Variants in GCFC2 observed in about 807,000 individuals in gnomAD.
GCFC2 encodes GC-rich sequence DNA-binding factor 2.
A neutral mutation model predicts 99.4 loss-of-function variants in GCFC2; 102 were observed. That is an observed-to-expected ratio of 1.03 (90% CI 0.87 to 1.21). GCFC2 has a LOEUF of 1.21. GCFC2 is among the 50% of genes most tolerant of loss of function. The pLI, the probability that GCFC2 is intolerant of heterozygous loss-of-function variation, is 0.00. For synonymous variants in GCFC2, 338 were observed against 316.8 expected, an observed-to-expected ratio of 1.07 and a Z score of -0.71; for missense variants, 973 against 920.9, an observed-to-expected ratio of 1.06 and a Z score of -0.73.
intron 12 of GCFC2, among the ~76,000 whole-genome samples, chr2:75,679,319 G>A (rs1360103749): frequency 6.6e-6 from 1 of 151,964 alleles, no homozygotes; most frequent in Non-Finnish European, 1.5e-5. Flanking sequence ...AACCACCTCT[G>A]TCATTCTACT....
At chr2:75,671,049 C>G (rs1033959948) in intron 14 of GCFC2, among the ~76,000 whole-genome samples, 2 of 152,150 alleles carry the variant, frequency 1.3e-5, no homozygotes, top group African/African-American at 4.8e-5. Flanking sequence ...ATTGTCAAAT[C>G]CAATAAACAG....
Position 75,689,140 on chromosome 2 carries a change from C to T in GCFC2, c.1425G>A (p.Gln475=). 1 of 1,600,084 alleles carries T rather than the reference C, an allele frequency of 6.2e-7. No homozygotes were observed. The highest frequency in any genetic ancestry group is 8.6e-7 in the Non-Finnish European group (1 of 1,168,714). ...CNIQNILLKF[Q]QWREKFPDSY... ...AGTCAGGAAACTTTTCTCGCCATTG[C>T]TGAAATTTCAACAAAATATTCTGGA... is the stretch of plus-strand genomic sequence containing the variant. Residue 475 remains glutamine, a synonymous_variant, in exon 10 of 17, where the codon CAG becomes CAA. Coordinates refer to ENST00000321027, the MANE Select transcript of GCFC2 (RefSeq NM_003203.5).
rs1325916878 is a variant in GCFC2, at chr2:75,710,810, A to T, written c.46T>A (p.Ser16Thr). ...TCCTCGGCGCCATCGCTGTCGCTGG[A>T]ATCAGCCGCGCGCTGCCGAAAAGTC... ...KRTFRQRAAD[S>T]SDSDGAEESP... The change falls in exon 1 of 17, where the codon TCC becomes ACC. Residue 16 changes from serine to threonine, a missense_variant. Coordinates refer to ENST00000321027, the MANE Select transcript of GCFC2 (RefSeq NM_003203.5). 1.3e-6 allele frequency: 2 copies of T among 1,578,898 alleles called. No homozygotes were observed. Among genetic ancestry groups the T allele is most frequent in the Non-Finnish European group, 1.7e-6 (2 of 1,169,418 alleles).
At chr2:75,709,877 C>T (rs1381316894) in intron 1 of GCFC2, among the ~76,000 whole-genome samples, 1 of 152,126 alleles carries the variant, frequency 6.6e-6, no homozygotes, top group African/African-American at 2.4e-5. Flanking sequence ...AAGATTTTAG[C>T]TCTCAAGACT....
At chr2:75,677,713 G>A (rs1679408277) in intron 12 of GCFC2, among the ~76,000 whole-genome samples, 1 of 152,114 alleles carries the variant, frequency 6.6e-6, no homozygotes, top group Admixed American at 6.6e-5. Flanking sequence ...AACTGCTTGA[G>A]TTTGCCTGTA....
At chr2:75,685,202 TATA>T (rs1413242301) in intron 11 of GCFC2, among the ~76,000 whole-genome samples, 1 of 152,134 alleles carries the variant, frequency 6.6e-6, no homozygotes, top group African/African-American at 2.4e-5. Flanking sequence ...GAACTTAAAG[TATA>T]ATAATAAACA....
At position 75,670,277 on chromosome 2, in the gene GCFC2, C is replaced by T. The variant is rs767780666; in HGVS notation, c.1964G>A (p.Arg655His). ...RQFWSGLKLF[R>H]NILLWNGLLT... ...GAGTCCATTCCAAAGAAGAATATTG[C>T]GGAAGAGCTAAAATAAAATATCAAG... Residue 655 changes from arginine to histidine, a missense_variant, in exon 15 of 17, where the codon CGC (arginine) becomes CAC (histidine). By Grantham distance (29) the Arg-to-His change is conservative (BLOSUM62 0). Coordinates refer to ENST00000321027, the MANE Select transcript of GCFC2 (RefSeq NM_003203.5). 17 of 1,596,492 alleles carry T rather than the reference C, an allele frequency of 1.1e-5. No individual in the cohort carries two copies. The highest frequency in any genetic ancestry group is 1.7e-4 in the Middle Eastern group (1 of 6,046).
At chr2:75,692,381 G>A (rs1680122161) in intron 6 of GCFC2, among the ~76,000 whole-genome samples, 1 of 152,052 alleles carries the variant, frequency 6.6e-6, no homozygotes, top group Admixed American at 6.6e-5. Flanking sequence ...GCCAGGATGT[G>A]GTAGCTCATG....
At chr2:75,712,818 G>A (rs147043336), upstream of GCFC2, among the ~76,000 whole-genome samples, 2,451 of 152,212 alleles carry the variant, frequency 0.016, 21 homozygotes, top group Non-Finnish European at 0.021. Flanking sequence ...CGCTCACCGC[G>A]AGGGTCCGCA....
rs1407920836 is a variant in GCFC2 at position 75,694,322 on chromosome 2, T to C, written c.939A>G (p.Ser313=). ...SKSTIQNLES[S]SNQALNCKFY... The stretch of plus-strand genomic sequence containing the variant: ...ATTTACAATTTAGAGCTTGATTTGA[T>C]GAACTCTCTAGGTTCTGGATGGTAC... The change falls in exon 6 of 17, where the codon TCA becomes TCG. Residue 313 remains serine, a synonymous_variant. Coordinates refer to ENST00000321027, the MANE Select transcript of GCFC2 (RefSeq NM_003203.5). 1.5e-6 allele frequency: 2 copies of C among 1,366,926 alleles called. No individual in the cohort carries two copies. Among genetic ancestry groups the C allele is most frequent in the East Asian group, 2.4e-5 (1 of 42,428 alleles). 84.7% of individuals were successfully genotyped at this position (1,366,926 alleles called of 1,614,324 possible).
intron 7 of GCFC2, among the ~76,000 whole-genome samples, chr2:75,691,664 A>T (rs1305109680): frequency 6.6e-6 from 1 of 152,224 alleles, no homozygotes; most frequent in African/African-American, 2.4e-5. Context: ...GGGCTCTGAA[A>T]CTATGAAGTT....
At chr2:75,681,625 G>C (rs1458006739) in intron 11 of GCFC2, among the ~76,000 whole-genome samples, 2 of 151,858 alleles carry the variant, frequency 1.3e-5, no homozygotes, top group African/African-American at 4.9e-5. Flanking sequence ...AGGGGCTGAA[G>C]ACAGGGAGCC....
At position 75,672,080 on chromosome 2, in the gene GCFC2, G is replaced by A. The variant is rs143276161; in HGVS notation, c.1890-64C>T. The A allele has an allele frequency of 5.3e-3, 4,269 of 811,008 alleles. 52 individuals carry two copies. Among genetic ancestry groups the A allele is most frequent in the Non-Finnish European group, 5.1e-3 (2,476 of 487,874 alleles). 50.2% of individuals were successfully genotyped at this position (811,008 alleles called of 1,614,324 possible). On this transcript the variant is annotated intron_variant, in intron 13 of 16. Transcript: ENST00000321027. ...GAACTATTAGTCTTTCAGAACCAGA[G>A]TTTAAGATCAGACTTTCTTTTAAAC...
At chr2:75,672,561 T>C (rs536041272) in intron 13 of GCFC2, among the ~76,000 whole-genome samples, 1 of 152,160 alleles carries the variant, frequency 6.6e-6, no homozygotes, top group East Asian at 1.9e-4. Flanking sequence ...CACTACTCAC[T>C]GGATTGCTAC....
upstream of GCFC2, chr2:75,711,012 C>T: frequency 7.5e-7 from 1 of 1,337,570 alleles, no homozygotes; most frequent in African/African-American, 1.5e-5. Flanking sequence ...TCTGCGCCTG[C>T]GTGCTTTGGC....
chr2:75,670,338 T>C, intron 14 of GCFC2, 54 bp from the exon 15 acceptor site: 1 of 1,239,968 alleles, frequency 8.1e-7, no homozygotes, highest in Middle Eastern at 2.0e-4. Flanking sequence ...GAAACTGTAA[T>C]AGTCTCTAAC....
chr2:75,679,899 G>A (rs1053399193), intron 12 of GCFC2: 1 of 416,952 alleles, frequency 2.4e-6, no homozygotes, highest in African/African-American at 2.0e-5. Context: ...TTACATGTAT[G>A]TCTATAATTT....
intron 12 of GCFC2, among the ~76,000 whole-genome samples, chr2:75,677,172 T>G (rs752832451): frequency 2.6e-5 from 4 of 152,260 alleles, no homozygotes; most frequent in South Asian, 2.1e-4. Flanking sequence ...TACTGCTTTT[T>G]AAATTTAAGT....
At chr2:75,688,348 C>G (rs1403951071) in intron 10 of GCFC2, among the ~76,000 whole-genome samples, 4 of 152,212 alleles carry the variant, frequency 2.6e-5, no homozygotes, top group African/African-American at 9.6e-5. Flanking sequence ...AATTCATCCA[C>G]TTCAAGCAAA....
Sources: gnomAD v4.1 joint callset for allele counts (sites outside exome capture counted in the v4.1 genomes callset) on GRCh38, gnomAD v4.1.1 for gene constraint, MANE v1.5 for transcripts, NCBI Gene and HGNC (gene_info 2026-07-23, HGNC 2026-07-21) for gene names.